Variants in NAV3 observed in about 807,000 individuals in gnomAD.
NAV3 encodes neuron navigator 3.
Under a neutral mutation model 244.7 loss-of-function variants are expected in NAV3, and 87 were observed. The observed-to-expected ratio is 0.36, with a 90% CI of 0.30 to 0.42. The LOEUF is 0.42. Among genes scored for constraint, NAV3 ranks in the 20% least tolerant of loss-of-function variants. NAV3 has a pLI of 1.00. For missense variants in NAV3, 2,663 were observed against 2,893.3 expected (o/e 0.92, Z 1.83); for synonymous variants, 1,126 against 1,042.2 (o/e 1.08, Z -1.55).
At chr12:78,030,145 C>T (rs886067064) in intron 9 of NAV3, among the ~76,000 whole-genome samples, 4 of 152,114 alleles carry the variant, frequency 2.6e-5, no homozygotes, top group Non-Finnish European at 2.9e-5. Flanking sequence ...ATTCAACATG[C>T]AAAACACTTC....
intron 1 of NAV3, among the ~76,000 whole-genome samples, chr12:77,877,595 T>C (rs75427550): frequency 0.012 from 1,800 of 152,260 alleles, 38 homozygotes; most frequent in African/African-American, 0.041. Flanking sequence ...AGAAACTGGC[T>C]GGTGTCAAGT....
At chr12:77,760,219 C>G (rs1159047112) in intron 2 of NAV3, among the ~76,000 whole-genome samples, 1 of 152,126 alleles carries the variant, frequency 6.6e-6, no homozygotes, top group Non-Finnish European at 1.5e-5. Context: ...GTAAAAACTT[C>G]CAAATAATTT....
At chr12:78,122,943 G>C (rs768674068) in intron 16 of NAV3, among the ~76,000 whole-genome samples, 26 of 150,718 alleles carry the variant, frequency 1.7e-4, no homozygotes, top group Admixed American at 1.4e-3. Flanking sequence ...TGTCAGCCAT[G>C]AATCATTAGA....
At chr12:78,171,194 TG>T (rs1259904421) in intron 24 of NAV3, among the ~76,000 whole-genome samples, 3 of 151,622 alleles carry the variant, frequency 2.0e-5, no homozygotes, top group African/African-American at 7.2e-5. Flanking sequence ...TGTGGGGGAG[TG>T]ATTTATGTGA....
intron 1 of NAV3, among the ~76,000 whole-genome samples, chr12:77,879,735 A>C (rs994663500): frequency 8.6e-5 from 13 of 151,550 alleles, no homozygotes; most frequent in Non-Finnish European, 1.5e-4. Context: ...CTATAAAACT[A>C]TCTACAAGTA....
At chr12:77,770,865 T>A (rs1870041111) in intron 2 of NAV3, among the ~76,000 whole-genome samples, 1 of 152,180 alleles carries the variant, frequency 6.6e-6, no homozygotes, top group African/African-American at 2.4e-5. Context: ...AAGGACTTCA[T>A]GTCTAAAACA....
At chr12:77,642,528 C>T (rs1196659632) in intron 2 of NAV3, among the ~76,000 whole-genome samples, 1 of 151,990 alleles carries the variant, frequency 6.6e-6, no homozygotes, top group Non-Finnish European at 1.5e-5. Context: ...TTTCATTACC[C>T]CTTTTGTGTG....
Position 78,188,688 on chromosome 12 carries a change from T to C in NAV3, c.5966T>C (p.Leu1989Ser), listed in dbSNP as rs1191411709. ...ATTGCTAGCTACTGTATAGGAGACT[T>C]AATTAGATCCCATAACCTAGAAGTG... ...DCIASYCIGDLIRSHNLEVPE... is the reference protein window; with the variant it reads ...DCIASYCIGDSIRSHNLEVPE... Residue 1989 changes from leucine (L) to serine (S), a missense_variant, in exon 33 of 40, where the codon TTA (leucine) becomes TCA (serine). Transcript: ENST00000397909. 3.1e-6 allele frequency: 5 copies of C among 1,612,424 alleles called. No homozygotes were observed. The highest frequency in any genetic ancestry group is 4.2e-6 in the Non-Finnish European group (5 of 1,179,042).
At chr12:77,911,236 A>G (rs916758874) in intron 1 of NAV3, among the ~76,000 whole-genome samples, 3 of 152,112 alleles carry the variant, frequency 2.0e-5, no homozygotes, top group Non-Finnish European at 4.4e-5. Flanking sequence ...ACTTTTTGAT[A>G]AAAGGCAGCC....
intron 12 of NAV3, among the ~76,000 whole-genome samples, chr12:78,069,424 A>G (rs1228221589): frequency 6.6e-6 from 1 of 152,044 alleles, no homozygotes; most frequent in Non-Finnish European, 1.5e-5. Context: ...AGAATATTGC[A>G]TTAAGATATT....
At chr12:77,817,572 A>T (rs1195621086) in intron 2 of NAV3, among the ~76,000 whole-genome samples, 1 of 152,116 alleles carries the variant, frequency 6.6e-6, no homozygotes, top group Non-Finnish European at 1.5e-5. Context: ...GCAAATGTTA[A>T]CTTCACCTGA....
At chr12:77,916,125 T>C (rs1299860003) in intron 1 of NAV3, among the ~76,000 whole-genome samples, 1 of 152,010 alleles carries the variant, frequency 6.6e-6, no homozygotes, top group African/African-American at 2.4e-5. Context: ...AAGTAAGCTA[T>C]TTGGATACTG....
chr12:78,078,183 G>A (rs1953149967), intron 12 of NAV3, among the ~76,000 whole-genome samples: 1 of 151,974 alleles, frequency 6.6e-6, no homozygotes, highest in Admixed American at 6.6e-5. Context: ...TCTTTAACTT[G>A]ATTACCTCTG....
intron 3 of NAV3, among the ~76,000 whole-genome samples, chr12:77,961,718 A>G (rs954156758): frequency 3.4e-5 from 5 of 148,358 alleles, no homozygotes; most frequent in Non-Finnish European, 5.9e-5. Flanking sequence ...AATGTATGTT[A>G]CATATATGTA....
intron 1 of NAV3, among the ~76,000 whole-genome samples, chr12:77,894,820 G>A (rs1008638214): frequency 2.0e-5 from 3 of 152,002 alleles, no homozygotes; most frequent in African/African-American, 7.3e-5. Flanking sequence ...AGTGTAGACA[G>A]ATCTCATTTC....
rs186357249 is a variant in NAV3, at chr12:77,619,226, G to A, written c.72+46960G>A. Among the ~76,000 whole-genome samples, 65 of 152,156 alleles carry A rather than the reference G, an allele frequency of 4.3e-4. No homozygotes were observed. The East Asian group carries it at 6.9e-3, about 16-fold the overall frequency. Reference sequence around the variant, plus strand: ...CTTCTTCAGAAAATAGAGCTCTCTCGTCAACCCCCCTTAGGTTTATTAATG... The same window carrying A: ...CTTCTTCAGAAAATAGAGCTCTCTCATCAACCCCCCTTAGGTTTATTAATG... On this transcript the variant is annotated intron_variant, in intron 2 of 8. Transcript: ENST00000550042.
At chr12:78,018,240 A>G (rs1876560129) in intron 8 of NAV3, among the ~76,000 whole-genome samples, 1 of 152,184 alleles carries the variant, frequency 6.6e-6, no homozygotes, top group Non-Finnish European at 1.5e-5. Flanking sequence ...TGCTACATTA[A>G]CAAAAATTTT....
chr12:77,788,692 A>G (rs1216675777), intron 2 of NAV3, among the ~76,000 whole-genome samples: 1 of 129,630 alleles, frequency 7.7e-6, no homozygotes, highest in East Asian at 2.2e-4. Flanking sequence ...TCTTCCTTCT[A>G]TTATGTAGAA....
At chr12:78,159,857 G>GA (rs1957452911) in intron 23 of NAV3, among the ~76,000 whole-genome samples, 1 of 152,050 alleles carries the variant, frequency 6.6e-6, no homozygotes, top group African/African-American at 2.4e-5. Context: ...TGAATGTTAA[G>GA]AAAGAGAAAC....
Sources: gnomAD v4.1 joint callset for allele counts (sites outside exome capture counted in the v4.1 genomes callset) on GRCh38, gnomAD v4.1.1 for gene constraint, MANE v1.5 for transcripts, NCBI Gene and HGNC (gene_info 2026-07-23, HGNC 2026-07-21) for gene names.